Variants in ZNF385D observed in about 807,000 individuals in gnomAD.
ZNF385D encodes zinc finger protein 385D.
Under a neutral mutation model 35.8 loss-of-function variants are expected in ZNF385D, and 15 were observed. The ratio of observed to expected loss-of-function variants is 0.42; its 90% CI spans 0.28 to 0.64. The LOEUF (loss-of-function observed/expected upper bound fraction) is 0.64. Among genes scored for constraint, ZNF385D ranks in the 30% least tolerant of loss-of-function variants. The pLI, the probability that ZNF385D is intolerant of heterozygous loss-of-function variation, is 0.23. For missense variants in ZNF385D, 474 were observed against 494.6 expected, an observed-to-expected ratio of 0.96 and a Z score of 0.39; for synonymous variants, 212 against 186.8, an observed-to-expected ratio of 1.13 and a Z score of -1.10.
chr3:22,272,086 A>G lies in ZNF385D; in HGVS notation c.106+100364T>C, dbSNP rs999033367. ...CATCCCATCGTATCCACAAAATGCC[A>G]TATGTGTCTCATGCTTCTGAAGAGA... On this transcript the variant is annotated intron_variant, in intron 2 of 5. Coordinates refer to the ZNF385D transcript ENST00000494108. 6.6e-5 allele frequency among the ~76,000 whole-genome samples: 10 copies of G among 151,984 alleles called. No individual in the cohort carries two copies. In the East Asian group the frequency reaches 9.7e-4, roughly 15 times the overall value.
intron 3 of ZNF385D, chr3:21,877,722 G>C (rs560951913): frequency 3.9e-5 from 6 of 152,078 alleles, no homozygotes; most frequent in South Asian, 2.1e-4. Flanking sequence ...TGATAGAATT[G>C]GGATTTGTAA....
rs985952118 is a variant in ZNF385D at position 21,416,448 on chromosome 3, G to A, written c.*4766C>T. ...CAGTAACAACCTTTAGGCCAAATGA[G>A]CATGACATGTCAACCTATCCGTCTT... On this transcript the variant is annotated 3_prime_UTR_variant, in exon 8 of 8. Coordinates refer to ENST00000281523, the MANE Select transcript of ZNF385D (RefSeq NM_024697.3). 1.9e-4 allele frequency: 29 copies of A among 152,080 alleles called. No homozygotes were observed. Among genetic ancestry groups the A allele is most frequent in the African/African-American group, 7.0e-4 (29 of 41,406 alleles). The allele number at this position is 152,080 out of a possible 1,614,324, so 9.4% of individuals were successfully genotyped here. A position where few individuals can be genotyped will look rare whatever the true frequency, so the allele number is the denominator to read the frequency against.
intron 3 of ZNF385D, among the ~76,000 whole-genome samples, chr3:21,533,682 C>T (rs1205167050): frequency 6.6e-6 from 1 of 152,060 alleles, no homozygotes; most frequent in African/African-American, 2.4e-5. Flanking sequence ...AGACAGAAAA[C>T]CTGAAATCAA....
chr3:21,915,618 A>T (rs2125918417), intron 3 of ZNF385D, among the ~76,000 whole-genome samples: 1 of 152,148 alleles, frequency 6.6e-6, no homozygotes, highest in Non-Finnish European at 1.5e-5. Context: ...ACTACCCCTT[A>T]CCACCCCCAA....
At chr3:21,437,706 A>AAAAAAAAAAAC (rs1553632269) in intron 4 of ZNF385D, among the ~76,000 whole-genome samples, 2 of 144,436 alleles carry the variant, frequency 1.4e-5, no homozygotes, top group East Asian at 2.0e-4. Flanking sequence ...TTATACAAAA[A>AAAAAAAAAAAC]AAAAAAAAAA....
intron 2 of ZNF385D, among the ~76,000 whole-genome samples, chr3:21,627,485 GA>G (rs1366967203): frequency 6.6e-6 from 1 of 151,972 alleles, no homozygotes; most frequent in East Asian, 1.9e-4. Flanking sequence ...AAGATGCTGT[GA>G]AAATCAGGTC....
At chr3:21,577,031 T>C (rs1003350403) in intron 2 of ZNF385D, among the ~76,000 whole-genome samples, 8 of 152,208 alleles carry the variant, frequency 5.3e-5, no homozygotes, top group Non-Finnish European at 1.2e-4. Context: ...TCTTCTCATT[T>C]AGCTATTTGA....
chr3:22,021,371 C>T (rs2125455859), intron 3 of ZNF385D, among the ~76,000 whole-genome samples: 1 of 152,028 alleles, frequency 6.6e-6, no homozygotes, highest in Middle Eastern at 3.4e-3. Context: ...AAATCCACAA[C>T]ACAAATAGGC....
At chr3:22,066,782 C>A (rs1699985452) in intron 3 of ZNF385D, among the ~76,000 whole-genome samples, 1 of 151,970 alleles carries the variant, frequency 6.6e-6, no homozygotes, top group African/African-American at 2.4e-5. Flanking sequence ...TGTTCATGAC[C>A]TGAGATGTGT....
intron 1 of ZNF385D, among the ~76,000 whole-genome samples, chr3:21,712,744 C>T (rs2068161785): frequency 6.6e-6 from 1 of 152,064 alleles, no homozygotes; most frequent in Non-Finnish European, 1.5e-5. Context: ...ATACATAAAA[C>T]CTGTTGGTTG....
chr3:22,115,099 C>G (rs183224004), intron 3 of ZNF385D, among the ~76,000 whole-genome samples: 2 of 152,190 alleles, frequency 1.3e-5, no homozygotes, highest in East Asian at 3.9e-4. Context: ...CTCACTGGCA[C>G]TTCTAAACTT....
At chr3:21,518,259 T>C (rs969721374) in intron 3 of ZNF385D, among the ~76,000 whole-genome samples, 1 of 152,146 alleles carries the variant, frequency 6.6e-6, no homozygotes, top group African/African-American at 2.4e-5. Context: ...ATAACTCAGA[T>C]ACATGTGTAT....
chr3:21,495,861 G>A (rs558708205), intron 4 of ZNF385D, among the ~76,000 whole-genome samples: 8 of 152,132 alleles, frequency 5.3e-5, no homozygotes, highest in Middle Eastern at 3.4e-3. Context: ...AATGATAAAC[G>A]AGATATGACT....
chr3:21,696,571 C>G (rs2067477970), intron 1 of ZNF385D, among the ~76,000 whole-genome samples: 1 of 152,208 alleles, frequency 6.6e-6, no homozygotes. Context: ...CCCTCTTACA[C>G]CATTTAATCA....
intron 2 of ZNF385D, among the ~76,000 whole-genome samples, chr3:22,356,900 A>C (rs1179913624): frequency 6.6e-6 from 1 of 151,944 alleles, no homozygotes; most frequent in Non-Finnish European, 1.5e-5. Flanking sequence ...TTTGAGTGGT[A>C]ATAAAATCAG....
At chr3:22,193,980 GA>G (rs1696236276) in intron 2 of ZNF385D, among the ~76,000 whole-genome samples, 1 of 151,884 alleles carries the variant, frequency 6.6e-6, no homozygotes, top group Non-Finnish European at 1.5e-5. Flanking sequence ...GAAACAAGTG[GA>G]AAATGATAAC....
chr3:21,678,501 G>A (rs145631820), intron 1 of ZNF385D, among the ~76,000 whole-genome samples: 2 of 152,110 alleles, frequency 1.3e-5, no homozygotes, highest in African/African-American at 2.4e-5. Context: ...AAACCCAAAC[G>A]TTTTGTAGAA....
chr3:22,130,125 C>T (rs1031863248), intron 3 of ZNF385D, among the ~76,000 whole-genome samples: 1 of 152,046 alleles, frequency 6.6e-6, no homozygotes, highest in Non-Finnish European at 1.5e-5. Context: ...GGAGCTATGG[C>T]CTGGAATGGG....
At chr3:22,153,369 G>A (rs957264904) in intron 3 of ZNF385D, among the ~76,000 whole-genome samples, 6 of 151,938 alleles carry the variant, frequency 3.9e-5, no homozygotes, top group Non-Finnish European at 5.9e-5. Context: ...ACATCATCAG[G>A]CAAACTCTGT....
Sources: gnomAD v4.1 joint callset for allele counts (sites outside exome capture counted in the v4.1 genomes callset) on GRCh38, gnomAD v4.1.1 for gene constraint, MANE v1.5 for transcripts, NCBI Gene and HGNC (gene_info 2026-07-23, HGNC 2026-07-21) for gene names.